Variants in TXNRD2 observed in about 807,000 individuals in gnomAD.
TXNRD2 encodes the protein thioredoxin reductase 2.
Under a neutral mutation model 70.8 loss-of-function variants are expected in TXNRD2, and 67 were observed. The ratio of observed to expected loss-of-function variants is 0.95; its 90% CI spans 0.78 to 1.16. The LOEUF is 1.16. Ranked by LOEUF, TXNRD2 falls within the 50% of genes most tolerant of loss-of-function variation. The probability of loss-of-function intolerance (pLI) is 0.00; values close to 1 mark genes in which losing one functional copy is unlikely to be tolerated. For synonymous variants in TXNRD2, 301 were observed against 295.8 expected, an observed-to-expected ratio of 1.02 and a Z score of -0.18; for missense variants, 644 against 719.9, an observed-to-expected ratio of 0.89 and a Z score of 1.21.
chr22:19,898,942 G>A lies in TXNRD2; in HGVS notation c.682+107C>T, dbSNP rs138021531. ...CACGCCGAGAGGCCCAGTAAGTGCC[G>A]ATCTGAGGCAGCAAAGAGCCTGCCG... On this transcript the variant is annotated intron_variant, in intron 9 of 17. Transcript: ENST00000400521. 3.8e-4 allele frequency: 547 copies of A among 1,440,972 alleles called. No homozygotes were observed. In the African/African-American group the frequency reaches 6.2e-3, roughly 16 times the overall value. The allele number at this position is 1,440,972 out of a possible 1,614,324, so 89.3% of individuals were successfully genotyped here. A position where few individuals can be genotyped will look rare whatever the true frequency, so the allele number is the denominator to read the frequency against.
At position 19,941,703 on chromosome 22, in the gene TXNRD2, G is replaced by A; in HGVS notation, c.101C>T (p.Ala34Val). ...GGGACGCCCCGACCCCATCCTACCT[G>A]CTGCGCCCCGCGCCGCGCCCCGCAC... ...GGVRGAARGA[A>V]AGQRDYDLLV... Residue 34 changes from alanine (A) to valine (V), a missense_variant and splice_region_variant, in exon 1 of 18, where the codon GCA (alanine) becomes GTA (valine). By Grantham distance (64) the Ala-to-Val change is moderately conservative (BLOSUM62 0). Coordinates refer to ENST00000400521, the MANE Select transcript of TXNRD2 (RefSeq NM_006440.5). 1 of 1,483,236 alleles carries A rather than the reference G, an allele frequency of 6.7e-7. No homozygotes were observed. The highest frequency in any genetic ancestry group is 8.9e-7 in the Non-Finnish European group (1 of 1,124,018). The allele number at this position is 1,483,236 out of a possible 1,614,324, so 91.9% of individuals were successfully genotyped here.
rs1941375216 is a variant in TXNRD2 at position 19,931,922 on chromosome 22, A to G, written c.104-824T>C. Among the ~76,000 whole-genome samples the G allele has an allele frequency of 2.0e-5, 3 of 152,028 alleles. No homozygotes were observed. In the South Asian group the frequency reaches 6.2e-4, roughly 32 times the overall value. The stretch of plus-strand genomic sequence containing the variant: ...ACGCCTGTAATCCCAGCACTTTTGG[A>G]GGCCAAGGCGGGTGGATCACAAGGT... On this transcript the variant is annotated intron_variant, in intron 1 of 17. Coordinates refer to ENST00000400521, the MANE Select transcript of TXNRD2 (RefSeq NM_006440.5).
intron 11 of TXNRD2, among the ~76,000 whole-genome samples, chr22:19,885,640 C>A (rs996473936): frequency 6.6e-6 from 1 of 152,222 alleles, no homozygotes; most frequent in African/African-American, 2.4e-5. Flanking sequence ...CGGGGGCTCA[C>A]GCTCAGCCGT....
At chr22:19,917,540 G>A (rs1449842456) in intron 5 of TXNRD2, among the ~76,000 whole-genome samples, 3 of 152,204 alleles carry the variant, frequency 2.0e-5, no homozygotes, top group Non-Finnish European at 4.4e-5. Flanking sequence ...ACAGCCCCGG[G>A]AGAAAGGCTG....
At position 19,878,391 on chromosome 22, in the gene TXNRD2, C is replaced by T. The variant is rs759374389; in HGVS notation, c.1322G>A (p.Arg441Gln). ...CTTTACATAACACTGGGATGCATCT[C>T]GTCCAGCCACCGTGAACTCCAGTGG... ...YKPLEFTVAG[R>Q]DASQCYVKMV... The change falls in exon 15 of 18, where the codon CGA becomes CAA. Residue 441 changes from arginine (R) to glutamine (Q), a missense_variant. Physicochemically the swap from Arg to Gln is conservative, Grantham distance 43 (BLOSUM62 1). Coordinates refer to ENST00000400521, the MANE Select transcript of TXNRD2 (RefSeq NM_006440.5). 6.4e-5 allele frequency: 103 copies of T among 1,613,710 alleles called. No homozygotes were observed. Among genetic ancestry groups the T allele is most frequent in the East Asian group, 4.0e-4 (18 of 44,904 alleles).
chr22:19,924,038 G>A (rs953389185), intron 2 of TXNRD2, among the ~76,000 whole-genome samples: 1 of 150,056 alleles, frequency 6.7e-6, no homozygotes, highest in East Asian at 2.0e-4. Flanking sequence ...TCACTTTGTT[G>A]CCCAGGCACT....
At chr22:19,911,554 G>A (rs1320925333) in intron 7 of TXNRD2, 107 bp from the exon 8 acceptor site, 3 of 831,826 alleles carry the variant, frequency 3.6e-6, no homozygotes, top group Non-Finnish European at 6.2e-6. Flanking sequence ...CTTTCCCAGG[G>A]CACACATGCA....
chr22:19,940,266 A>AAAAAC (rs35958727), intron 1 of TXNRD2, among the ~76,000 whole-genome samples: 1 of 147,894 alleles, frequency 6.8e-6, no homozygotes, highest in African/African-American at 2.5e-5. Flanking sequence ...AAAAAAAAAA[A>AAAAAC]CCCCAAAAAA....
upstream of TXNRD2, chr22:19,941,818 T>TG: frequency 6.6e-7 from 1 of 1,514,552 alleles, no homozygotes. Flanking sequence ...GTGGGGCTTC[T>TG]GGGGCAGCTA....
At chr22:19,876,886 G>A (rs1358202096) in intron 17 of TXNRD2, 154 bp downstream of exon 17, 1 of 507,918 alleles carries the variant, frequency 2.0e-6, no homozygotes, top group Non-Finnish European at 3.2e-6. Flanking sequence ...CCTTCTGCCT[G>A]TCACCGCTGT....
At chr22:19,879,197 A>C (rs949255093) in intron 14 of TXNRD2, among the ~76,000 whole-genome samples, 13 of 152,340 alleles carry the variant, frequency 8.5e-5, no homozygotes, top group African/African-American at 3.1e-4. Context: ...CTGGCCTGTC[A>C]GGCCCGTCCT....
At chr22:19,906,467 T>A (rs1481112411) in intron 8 of TXNRD2, among the ~76,000 whole-genome samples, 2 of 151,666 alleles carry the variant, frequency 1.3e-5, no homozygotes, top group East Asian at 1.9e-4. Flanking sequence ...CTAAAAAAAA[T>A]AATCATTAGC....
At chr22:19,917,865 T>A (rs1400975376) in intron 5 of TXNRD2, among the ~76,000 whole-genome samples, 1 of 152,130 alleles carries the variant, frequency 6.6e-6, no homozygotes, top group Non-Finnish European at 1.5e-5. Flanking sequence ...CCCAAGCGCC[T>A]CCTCCCTGTG....
intron 13 of TXNRD2, 131 bp from the exon 14 acceptor site, chr22:19,880,402 G>C: frequency 9.8e-7 from 1 of 1,018,818 alleles, no homozygotes; most frequent in African/African-American, 1.6e-5. Context: ...AAGCACAGTA[G>C]GCGACCCACC....
chr22:19,905,340 GT>G (rs1417403373), intron 8 of TXNRD2, among the ~76,000 whole-genome samples: 2 of 151,812 alleles, frequency 1.3e-5, no homozygotes, highest in Admixed American at 6.6e-5. Context: ...TCTTCTAAAT[GT>G]TTTTTTTCTG....
chr22:19,932,549 T>G, intron 1 of TXNRD2: 1 of 1,495,458 alleles, frequency 6.7e-7, no homozygotes, highest in South Asian at 1.3e-5. Flanking sequence ...GGGCCTGAGG[T>G]CCGGGACACC....
intron 8 of TXNRD2, among the ~76,000 whole-genome samples, chr22:19,908,672 A>G (rs1037649656): frequency 3.9e-5 from 6 of 152,148 alleles, no homozygotes; most frequent in African/African-American, 1.4e-4. Context: ...AGGTATTTGC[A>G]CACCTATGTT....
intron 8 of TXNRD2, chr22:19,911,124 T>G: frequency 1.8e-6 from 1 of 566,698 alleles, no homozygotes; most frequent in Non-Finnish European, 3.2e-6. Flanking sequence ...AGAGTAGAGG[T>G]CTCACTATAT....
chr22:19,934,461 G>A (rs551616056), intron 1 of TXNRD2, among the ~76,000 whole-genome samples: 75 of 151,686 alleles, frequency 4.9e-4, no homozygotes, highest in East Asian at 1.5e-3. Context: ...CAGGAACCCC[G>A]AATGGAGGGA....
Sources: allele counts gnomAD v4.1 joint callset (sites outside exome capture counted in the v4.1 genomes callset), GRCh38; gene constraint gnomAD v4.1.1; transcripts MANE v1.5; gene names NCBI Gene and HGNC (gene_info 2026-07-23, HGNC 2026-07-21).